The following ACSS3 variants were observed in gnomAD, a reference collection of about 807,000 sequenced individuals.
ACSS3 encodes the protein acyl-CoA synthetase short-chain family member 3, mitochondrial.
Under a neutral mutation model 84.2 loss-of-function variants are expected in ACSS3, and 64 were observed. The ratio of observed to expected loss-of-function variants is 0.76; its 90% CI spans 0.62 to 0.94. The LOEUF (loss-of-function observed/expected upper bound fraction) is 0.94. Ranked by LOEUF, ACSS3 falls within the 40% of genes least tolerant of loss-of-function variation. The pLI, the probability that ACSS3 is intolerant of heterozygous loss-of-function variation, is 0.00. For missense variants in ACSS3, 815 were observed against 867.6 expected, an observed-to-expected ratio of 0.94 and a Z score of 0.76; for synonymous variants, 317 against 310.1, an observed-to-expected ratio of 1.02 and a Z score of -0.23.
chr12:81,179,094 C>T (rs1049601090), intron 8 of ACSS3, among the ~76,000 whole-genome samples: 10 of 151,812 alleles, frequency 6.6e-5, no homozygotes, highest in Non-Finnish European at 1.3e-4. Flanking sequence ...TAGCCATATG[C>T]GTAAGGTTAA....
At chr12:81,242,106 T>C (rs1396381618) in intron 13 of ACSS3, among the ~76,000 whole-genome samples, 1 of 152,126 alleles carries the variant, frequency 6.6e-6, no homozygotes. Context: ...CCTTTCCCCA[T>C]TGCTTGTTTT....
chr12:81,161,515 A>C (rs2135783642), intron 7 of ACSS3, among the ~76,000 whole-genome samples: 1 of 152,354 alleles, frequency 6.6e-6, no homozygotes, highest in Middle Eastern at 3.4e-3. Context: ...CTTTGCATAA[A>C]AGTTTGAAAA....
intron 13 of ACSS3, among the ~76,000 whole-genome samples, chr12:81,239,622 A>G (rs2033729413): frequency 6.6e-6 from 1 of 151,774 alleles, no homozygotes; most frequent in Non-Finnish European, 1.5e-5. Flanking sequence ...TCTTTATAAA[A>G]CCATCAGATC....
At chr12:81,080,910 G>A (rs977341393) in intron 1 of ACSS3, among the ~76,000 whole-genome samples, 1 of 152,170 alleles carries the variant, frequency 6.6e-6, no homozygotes, top group Admixed American at 6.5e-5. Context: ...GTGTGAAGGA[G>A]CTTTACTTAC....
At position 81,259,522 on chromosome 12, in the gene ACSS3, C is replaced by T; in HGVS notation, c.*4600C>T. ...CTAATCAAATGTAATATCTGACTCC[C>T]CCCAAAAATCACATTTTTCAGCTTT... On this transcript the variant is annotated 3_prime_UTR_variant, in exon 16 of 16. Transcript: ENST00000548058. 2.0e-6 allele frequency: 2 copies of T among 983,474 alleles called. No individual in the cohort carries two copies. The highest frequency in any genetic ancestry group is 1.6e-5 in the African/African-American group (1 of 61,330). 60.9% of individuals were successfully genotyped at this position (983,474 alleles called of 1,614,324 possible). A position where few individuals can be genotyped will look rare whatever the true frequency, so the allele number is the denominator to read the frequency against.
At chr12:81,106,703 A>G (rs929610419) in intron 1 of ACSS3, among the ~76,000 whole-genome samples, 3 of 152,178 alleles carry the variant, frequency 2.0e-5, no homozygotes, top group Non-Finnish European at 4.4e-5. Context: ...TTTACATAAT[A>G]TTTACAATGA....
At chr12:81,238,824 T>C (rs2033706592) in intron 13 of ACSS3, among the ~76,000 whole-genome samples, 2 of 151,756 alleles carry the variant, frequency 1.3e-5, no homozygotes, top group African/African-American at 4.8e-5. Context: ...GGTTTTATGG[T>C]ATTTTCTATT....
chr12:81,101,747 G>C (rs1427418447), intron 1 of ACSS3, among the ~76,000 whole-genome samples: 3 of 151,874 alleles, frequency 2.0e-5, no homozygotes, highest in South Asian at 4.2e-4. Context: ...CTATAACTAT[G>C]TATGATTTTT....
At chr12:81,156,185 A>ACCACAC in intron 7 of ACSS3, among the ~76,000 whole-genome samples, 1 of 141,736 alleles carries the variant, frequency 7.1e-6, no homozygotes, top group East Asian at 2.0e-4. Context: ...TATCCAGGAA[A>ACCACAC]ACACACACAC....
In ACSS3 at chr12:81,086,733, A is replaced by AT. The variant is rs965297167; in HGVS notation, c.311+8311dup. Among the ~76,000 whole-genome samples, 18 of 151,130 alleles carry AT rather than the reference A, an allele frequency of 1.2e-4. No homozygotes were observed. The South Asian group carries it at 1.3e-3, about 11-fold the overall frequency. ...TTTGCTTGTTCTTCTTCTTCTTTTTATTTTTTTTTATTCTACTTTCATAAG... is the reference window on the plus strand; with the variant it reads ...TTTGCTTGTTCTTCTTCTTCTTTTTATTTTTTTTTTATTCTACTTTCATAAG... On this transcript the variant is annotated intron_variant, in intron 1 of 15. Coordinates refer to ENST00000548058, the MANE Select transcript of ACSS3 (RefSeq NM_024560.4).
intron 2 of ACSS3, among the ~76,000 whole-genome samples, chr12:81,115,490 A>G (rs1259528951): frequency 6.6e-6 from 1 of 151,868 alleles, no homozygotes; most frequent in East Asian, 1.9e-4. Context: ...GTTTGCCGAG[A>G]TGATATCTCG....
Position 81,139,283 on chromosome 12 carries a change from T to A in ACSS3, c.780+18T>A. ...CAAATATGGTAATCTGAATATTGAA[T>A]TTGGTTCTTGCTTATGGTAATATGC... On this transcript the variant is annotated intron_variant, in intron 4 of 15. Coordinates refer to ENST00000548058, the MANE Select transcript of ACSS3 (RefSeq NM_024560.4). 3 of 1,612,950 alleles carry A rather than the reference T, an allele frequency of 1.9e-6. No individual in the cohort carries two copies. The highest frequency in any genetic ancestry group is 2.5e-6 in the Non-Finnish European group (3 of 1,179,314).
chr12:81,111,987 T>C (rs191266495), intron 2 of ACSS3, among the ~76,000 whole-genome samples: 1 of 152,268 alleles, frequency 6.6e-6, no homozygotes, highest in Non-Finnish European at 1.5e-5. Flanking sequence ...AAACTGTATT[T>C]TTGGGATTAA....
chr12:81,252,224 C>G (rs1404701974), intron 13 of ACSS3, among the ~76,000 whole-genome samples: 1 of 152,022 alleles, frequency 6.6e-6, no homozygotes, highest in Non-Finnish European at 1.5e-5. Context: ...TTTGCTGTAT[C>G]TTTCATATAA....
chr12:81,082,855 G>A (rs992086738), intron 1 of ACSS3, among the ~76,000 whole-genome samples: 2 of 152,230 alleles, frequency 1.3e-5, no homozygotes, highest in East Asian at 3.9e-4. Flanking sequence ...TATTTCTAAG[G>A]ATTAAATTGG....
At chr12:81,177,042 A>G (rs2030536507) in intron 8 of ACSS3, among the ~76,000 whole-genome samples, 1 of 152,238 alleles carries the variant, frequency 6.6e-6, no homozygotes, top group African/African-American at 2.4e-5. Context: ...GAGTCATCAC[A>G]TAAAAATAAC....
chr12:81,081,793 GACTA>G (rs1306730284), intron 1 of ACSS3, among the ~76,000 whole-genome samples: 1 of 152,142 alleles, frequency 6.6e-6, no homozygotes, highest in East Asian at 1.9e-4. Context: ...AAAAGGAAAA[GACTA>G]ACTAAATGCA....
intron 2 of ACSS3, among the ~76,000 whole-genome samples, chr12:81,123,508 A>C (rs2400871): frequency 0.31 from 47,166 of 151,898 alleles, 7,602 homozygotes; most frequent in Admixed American, 0.44. Flanking sequence ...TTTTAGGTTT[A>C]GGGGGTACAT....
chr12:81,162,688 A>G (rs534046486), intron 7 of ACSS3, among the ~76,000 whole-genome samples: 6 of 151,940 alleles, frequency 3.9e-5, no homozygotes, highest in Non-Finnish European at 7.4e-5. Context: ...TGTCATTAAC[A>G]TGTTGTCCAT....
Sources: gnomAD v4.1 joint callset for allele counts (sites outside exome capture counted in the v4.1 genomes callset) on GRCh38, gnomAD v4.1.1 for gene constraint, MANE v1.5 for transcripts, NCBI Gene and HGNC (gene_info 2026-07-23, HGNC 2026-07-21) for gene names.